TGFBR3: variants seen among roughly 807,000 people sequenced by gnomAD.
The protein encoded by TGFBR3 is transforming growth factor beta receptor 3.
A neutral mutation model predicts 87.9 loss-of-function variants in TGFBR3; 46 were observed. That is an observed-to-expected ratio of 0.52 (90% CI 0.41 to 0.67). The LOEUF (loss-of-function observed/expected upper bound fraction) is 0.67. Among genes scored for constraint, TGFBR3 ranks in the 30% least tolerant of loss-of-function variants. The pLI is 0.00. For synonymous variants in TGFBR3, 381 were observed against 391.6 expected (o/e 0.97, Z 0.32); for missense variants, 866 against 1,041.9 (o/e 0.83, Z 2.32).
intron 1 of TGFBR3, among the ~76,000 whole-genome samples, chr1:91,865,612 A>G (rs2101215144): frequency 6.6e-6 from 1 of 152,270 alleles, no homozygotes; most frequent in South Asian, 2.1e-4. Context: ...CAATGAACAT[A>G]AGAAAATTCT....
chr1:91,751,470 T>C (rs553054313), intron 4 of TGFBR3, among the ~76,000 whole-genome samples: 41 of 152,322 alleles, frequency 2.7e-4, no homozygotes, highest in African/African-American at 8.4e-4. Context: ...TAGCAACTGA[T>C]TGGAAATTTA....
chr1:91,774,249 C>T (rs1419183916), intron 3 of TGFBR3, among the ~76,000 whole-genome samples: 2 of 151,918 alleles, frequency 1.3e-5, no homozygotes, highest in East Asian at 1.9e-4. Context: ...GTGATTCTCC[C>T]GCCTCAACCT....
At chr1:91,827,757 A>G (rs563330673) in intron 2 of TGFBR3, among the ~76,000 whole-genome samples, 1 of 152,332 alleles carries the variant, frequency 6.6e-6, no homozygotes, top group East Asian at 1.9e-4. Context: ...CAACTCTCCC[A>G]GGTTTACTTT....
intron 2 of TGFBR3, among the ~76,000 whole-genome samples, chr1:91,839,264 C>G (rs1353605124): frequency 3.3e-5 from 5 of 152,180 alleles, no homozygotes; most frequent in African/African-American, 1.2e-4. Flanking sequence ...CAAGTGTGAG[C>G]CACCACACCC....
intron 3 of TGFBR3, among the ~76,000 whole-genome samples, chr1:91,762,291 A>T (rs284180): frequency 6.6e-6 from 1 of 151,970 alleles, no homozygotes; most frequent in Non-Finnish European, 1.5e-5. Context: ...AAACTTTTGC[A>T]GACAATGTCA....
intron 4 of TGFBR3, among the ~76,000 whole-genome samples, chr1:91,739,820 C>A (rs1284380635): frequency 6.6e-6 from 1 of 152,154 alleles, no homozygotes; most frequent in African/African-American, 2.4e-5. Flanking sequence ...GCTGGGAGGC[C>A]TCAGGAAACT....
At chr1:91,847,603 C>CAAAAAAAA (rs57534144) in intron 2 of TGFBR3, among the ~76,000 whole-genome samples, 1 of 88,278 alleles carries the variant, frequency 1.1e-5, no homozygotes, top group Non-Finnish European at 2.3e-5. Context: ...AACTCCATCT[C>CAAAAAAAA]AAAAAAAAAA....
intron 3 of TGFBR3, among the ~76,000 whole-genome samples, chr1:91,768,129 T>G (rs2100923960): frequency 6.6e-6 from 1 of 150,996 alleles, no homozygotes; most frequent in East Asian, 1.9e-4. Context: ...GGAGAATCCC[T>G]TAAACCCAGG....
At chr1:91,858,626 AAAAAAAAC>A (rs1187282182) in intron 2 of TGFBR3, among the ~76,000 whole-genome samples, 110 of 151,116 alleles carry the variant, frequency 7.3e-4, no homozygotes, top group African/African-American at 2.5e-3. Flanking sequence ...AAAAAAAAAA[AAAAAAAAC>A]AAAATTTCCC....
chr1:91,737,286 C>T (rs1238674102), intron 4 of TGFBR3, among the ~76,000 whole-genome samples: 1 of 152,198 alleles, frequency 6.6e-6, no homozygotes, highest in African/African-American at 2.4e-5. Context: ...TAGCACTCCC[C>T]TCCTGACTGC....
Position 91,705,288 on chromosome 1 carries a change from G to A in TGFBR3, c.2287+3375C>T, listed in dbSNP as rs555715086. Among the ~76,000 whole-genome samples, 280 of 148,956 alleles carry A rather than the reference G, an allele frequency of 1.9e-3. 2 individuals are homozygous for A. The highest frequency in any genetic ancestry group is 6.7e-3 in the African/African-American group (270 of 40,448). ...CCCCCAGGCTGGAGTACAGTGGCGC[G>A]ATCTTGGCTCACTGCAACCTCTGCT... On this transcript the variant is annotated intron_variant, in intron 14 of 16. Coordinates refer to ENST00000212355, the MANE Select transcript of TGFBR3 (RefSeq NM_003243.5).
chr1:91,752,085 A>G (rs1451224436), intron 4 of TGFBR3, among the ~76,000 whole-genome samples: 1 of 152,168 alleles, frequency 6.6e-6, no homozygotes, highest in African/African-American at 2.4e-5. Flanking sequence ...AGCCAAGACT[A>G]GTACTCAGGC....
chr1:91,795,586 C>G (rs1355790060), intron 3 of TGFBR3, among the ~76,000 whole-genome samples: 9 of 152,242 alleles, frequency 5.9e-5, no homozygotes, highest in Non-Finnish European at 5.9e-5. Flanking sequence ...GAATTTTCTG[C>G]TGTTGCTGCT....
Position 91,834,822 on chromosome 1 carries a change from G to A in TGFBR3, c.61+26649C>T, listed in dbSNP as rs868543508. The stretch of plus-strand genomic sequence containing the variant: ...GCCTCCCTAGTAGTTGAGATTACAG[G>A]CGCCTGCCACCACACCCAGCTAATT... On this transcript the variant is annotated intron_variant, in intron 2 of 16. Transcript: ENST00000212355. Among the ~76,000 whole-genome samples the A allele has an allele frequency of 2.0e-5, 3 of 152,162 alleles. No individual in the cohort carries two copies. In the South Asian group the frequency reaches 6.2e-4, roughly 32 times the overall value.
At chr1:91,880,153 C>A (rs1247127988) in intron 1 of TGFBR3, among the ~76,000 whole-genome samples, 1 of 152,140 alleles carries the variant, frequency 6.6e-6, no homozygotes, top group Non-Finnish European at 1.5e-5. Context: ...TTTCATATAA[C>A]CTAGATTCAC....
intron 16 of TGFBR3, among the ~76,000 whole-genome samples, chr1:91,685,651 C>T (rs1671066083): frequency 6.6e-6 from 1 of 152,004 alleles, no homozygotes; most frequent in Non-Finnish European, 1.5e-5. Context: ...TTTTGGAAAC[C>T]TATGTTTTGG....
At chr1:91,857,704 T>C (rs1678014586) in intron 2 of TGFBR3, among the ~76,000 whole-genome samples, 5 of 152,068 alleles carry the variant, frequency 3.3e-5, no homozygotes, top group Admixed American at 3.3e-4. Flanking sequence ...TTTGAGAGGC[T>C]GAGGTGGGAG....
chr1:91,720,622 AAT>A (rs1441150182), intron 8 of TGFBR3, among the ~76,000 whole-genome samples: 1 of 152,208 alleles, frequency 6.6e-6, no homozygotes, highest in African/African-American at 2.4e-5. Context: ...CCCAATCATT[AAT>A]ATGTTTTAGT....
chr1:91,709,731 T>C (rs1457570318), intron 13 of TGFBR3, among the ~76,000 whole-genome samples: 14 of 152,172 alleles, frequency 9.2e-5, no homozygotes, highest in Admixed American at 9.2e-4. Flanking sequence ...AATAACTTTG[T>C]TTTCTTGTCT....
Sources: allele counts gnomAD v4.1 joint callset (sites outside exome capture counted in the v4.1 genomes callset), GRCh38; gene constraint gnomAD v4.1.1; transcripts MANE v1.5; gene names NCBI Gene and HGNC (gene_info 2026-07-23, HGNC 2026-07-21).